MARCHF11: variants seen among roughly 807,000 people sequenced by gnomAD.
MARCHF11 encodes the protein membrane associated ring-CH-type finger 11.
MARCHF11 carries 29 observed loss-of-function variants against 37.3 expected under a neutral mutation model. The observed-to-expected ratio is 0.78, with a 90% CI of 0.58 to 1.06. The LOEUF (loss-of-function observed/expected upper bound fraction) is 1.06. Among genes scored for constraint, MARCHF11 ranks in the 50% least tolerant of loss-of-function variants. The pLI, the probability that MARCHF11 is intolerant of heterozygous loss-of-function variation, is 0.00. For synonymous variants in MARCHF11, 233 were observed against 228.0 expected (o/e 1.02, Z -0.20); for missense variants, 482 against 533.4 (o/e 0.90, Z 0.95).
In MARCHF11 at chr5:16,149,981, G is replaced by GATAAAAC. The variant is rs1465592698; in HGVS notation, c.693+27738_693+27744dup. Among the ~76,000 whole-genome samples, 2 of 137,286 alleles carry GATAAAAC rather than the reference G, an allele frequency of 1.5e-5. 1 individual carries two copies. The highest frequency in any genetic ancestry group is 7.1e-5 in the African/African-American group (2 of 28,224). The allele number at this position is 137,286 out of a possible 152,430, so 90.1% of individuals were successfully genotyped here. A position where few individuals can be genotyped will look rare whatever the true frequency, so the allele number is the denominator to read the frequency against. On this transcript the variant is annotated intron_variant, in intron 2 of 3. Transcript: ENST00000332432. ...TCCATTTATACAAAGTCCATAAACA[G>GATAAAAC]ATAAAACGAATCCATTTTGATAGGA...
intron 3 of MARCHF11, among the ~76,000 whole-genome samples, chr5:16,068,484 T>C (rs776445348): frequency 5.9e-5 from 9 of 152,168 alleles, no homozygotes; most frequent in Non-Finnish European, 8.8e-5. Flanking sequence ...ATACAACTAG[T>C]AGCGGTGGAG....
chr5:16,108,185 C>T (rs1399195117), intron 2 of MARCHF11, among the ~76,000 whole-genome samples: 1 of 152,186 alleles, frequency 6.6e-6, no homozygotes, highest in Non-Finnish European at 1.5e-5. Flanking sequence ...GGCACCCACC[C>T]CTAGACATAA....
At chr5:16,129,469 C>A (rs1737476922) in intron 2 of MARCHF11, among the ~76,000 whole-genome samples, 1 of 152,126 alleles carries the variant, frequency 6.6e-6, no homozygotes, top group Non-Finnish European at 1.5e-5. Context: ...ATAATCATTA[C>A]AATGGGAACA....
At chr5:16,174,673 T>C (rs1416269550) in intron 2 of MARCHF11, among the ~76,000 whole-genome samples, 1 of 152,216 alleles carries the variant, frequency 6.6e-6, no homozygotes, top group Non-Finnish European at 1.5e-5. Flanking sequence ...TGGTGAGTTC[T>C]TGCATACATG....
intron 2 of MARCHF11, among the ~76,000 whole-genome samples, chr5:16,133,890 G>A (rs116408101): frequency 0.011 from 1,682 of 152,120 alleles, 13 homozygotes; most frequent in South Asian, 0.039. Flanking sequence ...CTTGTGGCCC[G>A]CGGGCCATAG....
At chr5:16,098,313 A>G (rs1409211986) in intron 2 of MARCHF11, among the ~76,000 whole-genome samples, 1 of 152,210 alleles carries the variant, frequency 6.6e-6, no homozygotes, top group Non-Finnish European at 1.5e-5. Flanking sequence ...TACTCAATGC[A>G]ATGAACCAAA....
Position 16,156,293 on chromosome 5 carries a change from A to C in MARCHF11, c.693+21433T>G, listed in dbSNP as rs557219620. Among the ~76,000 whole-genome samples the C allele has an allele frequency of 4.9e-4, 74 of 152,030 alleles. 1 individual carries two copies. The highest frequency in any genetic ancestry group is 1.7e-3 in the African/African-American group (71 of 41,532). On this transcript the variant is annotated intron_variant, in intron 2 of 3. Transcript: ENST00000332432. ...AAATGAGCTCTCTTACTTCTAAAGT[A>C]CTGGCCAAATTCTGACTCACAATTG... is the stretch of plus-strand genomic sequence containing the variant.
intron 2 of MARCHF11, among the ~76,000 whole-genome samples, chr5:16,159,268 G>A (rs1183629267): frequency 6.6e-6 from 1 of 151,936 alleles, no homozygotes; most frequent in African/African-American, 2.4e-5. Context: ...CCTAAAGTCA[G>A]TTTCAGAAGC....
chr5:16,155,860 C>T (rs780818678), intron 2 of MARCHF11, among the ~76,000 whole-genome samples: 2 of 151,854 alleles, frequency 1.3e-5, no homozygotes, highest in Non-Finnish European at 2.9e-5. Flanking sequence ...AATAAATGTG[C>T]TTCTTTTCTG....
intron 2 of MARCHF11, among the ~76,000 whole-genome samples, chr5:16,099,211 C>T (rs1736917188): frequency 6.6e-6 from 1 of 152,274 alleles, no homozygotes; most frequent in Admixed American, 6.5e-5. Flanking sequence ...ATACGACCCA[C>T]TTATTTCTAA....
intron 3 of MARCHF11, among the ~76,000 whole-genome samples, chr5:16,070,215 C>T (rs146053376): frequency 2.6e-4 from 39 of 152,250 alleles, no homozygotes; most frequent in Admixed American, 1.1e-3. Flanking sequence ...TATTAGCTTG[C>T]TGAATTCCCC....
chr5:16,178,097 T>C (rs1738394361), intron 1 of MARCHF11, among the ~76,000 whole-genome samples: 2 of 152,240 alleles, frequency 1.3e-5, no homozygotes, highest in Admixed American at 6.5e-5. Flanking sequence ...ATAAATGTTC[T>C]ACCAACATAC....
In MARCHF11 at chr5:16,118,109, G is replaced by A. The variant is rs112357188; in HGVS notation, c.694-27028C>T. On this transcript the variant is annotated intron_variant, in intron 2 of 3. Transcript: ENST00000332432. ...GGACAGGTGTGCCTGGCAGACAGAA[G>A]AGTGCCAAGCACCTGTGGCAATCCT... is the stretch of plus-strand genomic sequence containing the variant. Among the ~76,000 whole-genome samples, 882 of 152,318 alleles carry A rather than the reference G, an allele frequency of 5.8e-3. 4 individuals are homozygous for A. Among genetic ancestry groups the A allele is most frequent in the Admixed American group, 8.4e-3 (128 of 15,304 alleles).
At chr5:16,138,068 G>C (rs910700310) in intron 2 of MARCHF11, among the ~76,000 whole-genome samples, 9 of 152,178 alleles carry the variant, frequency 5.9e-5, no homozygotes, top group African/African-American at 2.2e-4. Context: ...AGCAATTCAA[G>C]CCAGCTGCAG....
At chr5:16,178,956 C>G (rs528675303) in intron 1 of MARCHF11, 83 bp downstream of exon 1, 1 of 1,338,474 alleles carries the variant, frequency 7.5e-7, no homozygotes, top group South Asian at 1.8e-5. Flanking sequence ...GGGAGGTAGG[C>G]GTGCGCTGTC....
chr5:16,106,950 T>C (rs1737050757), intron 2 of MARCHF11, among the ~76,000 whole-genome samples: 1 of 152,186 alleles, frequency 6.6e-6, no homozygotes, highest in South Asian at 2.1e-4. Context: ...ATTCTTAATC[T>C]TTCTTGTCAG....
chr5:16,106,331 C>T (rs911323055), intron 2 of MARCHF11, among the ~76,000 whole-genome samples: 8 of 152,174 alleles, frequency 5.3e-5, no homozygotes, highest in African/African-American at 1.9e-4. Flanking sequence ...TCTGATAGCT[C>T]TATCTACATA....
intron 2 of MARCHF11, among the ~76,000 whole-genome samples, chr5:16,093,230 A>AC (rs1736813820): frequency 6.6e-6 from 1 of 152,154 alleles, no homozygotes; most frequent in Non-Finnish European, 1.5e-5. Context: ...ACCAAAGGGG[A>AC]GTAACAAGGA....
At chr5:16,118,915 G>A (rs2126575573) in intron 2 of MARCHF11, among the ~76,000 whole-genome samples, 1 of 152,264 alleles carries the variant, frequency 6.6e-6, no homozygotes, top group Admixed American at 6.5e-5. Context: ...GAGTGGCTGG[G>A]AAAGGAGACT....
Sources: gnomAD v4.1 joint callset for allele counts (sites outside exome capture counted in the v4.1 genomes callset) on GRCh38, gnomAD v4.1.1 for gene constraint, MANE v1.5 for transcripts, NCBI Gene and HGNC (gene_info 2026-07-23, HGNC 2026-07-21) for gene names.